Variants in ELK4 observed in about 807,000 individuals in gnomAD.
The protein encoded by ELK4 is ETS domain-containing protein Elk-4.
ELK4 carries 16 observed loss-of-function variants against 29.6 expected under a neutral mutation model. The observed-to-expected ratio is 0.54, with a 90% CI of 0.37 to 0.82. ELK4 has a LOEUF of 0.82. ELK4 is among the 40% of genes least tolerant of loss of function. The probability of loss-of-function intolerance (pLI) is 0.00; values close to 1 mark genes in which losing one functional copy is unlikely to be tolerated. For synonymous variants in ELK4, 213 were observed against 191.1 expected (o/e 1.11, Z -0.95); for missense variants, 465 against 507.1 (o/e 0.92, Z 0.80).
chr1:205,616,287 AGGAAG>A lies in ELK4; in HGVS notation c.*254_*258del, dbSNP rs1274034832. 1 of 356,544 alleles carries A rather than the reference AGGAAG, an allele frequency of 2.8e-6. No individual in the cohort carries two copies. Among genetic ancestry groups the A allele is most frequent in the Non-Finnish European group, 5.2e-6 (1 of 192,246 alleles). 22.1% of individuals were successfully genotyped at this position (356,544 alleles called of 1,614,324 possible). On this transcript the variant is annotated 3_prime_UTR_variant, in exon 5 of 5. Coordinates refer to ENST00000357992, the MANE Select transcript of ELK4 (RefSeq NM_001973.4). The stretch of plus-strand genomic sequence containing the variant: ...AAATATTTTTAAAGGAGAAAAGAAA[AGGAAG>A]GAAGGAAAGAAAAAGAAAAGGAAAA...
chr1:205,608,156 T>C lies in ELK4; in HGVS notation c.*8390A>G, dbSNP rs1324283344. 2.1e-5 allele frequency: 4 copies of C among 188,110 alleles called. No homozygotes were observed. The highest frequency in any genetic ancestry group is 4.5e-5 in the Non-Finnish European group (4 of 89,302). The allele number at this position is 188,110 out of a possible 1,614,324, so 11.7% of individuals were successfully genotyped here. On this transcript the variant is annotated 3_prime_UTR_variant, in exon 5 of 5. Transcript: ENST00000357992. ...ATGTATATCTTTCCTAAAAGATGCA[T>C]ATCACCATTATAGAATTTAACAAAA... is the stretch of plus-strand genomic sequence containing the variant.
Position 205,619,969 on chromosome 1 carries a change from T to C in ELK4, c.1077A>G (p.Ser359=). 6 of 1,614,156 alleles carry C rather than the reference T, an allele frequency of 3.7e-6. No homozygotes were observed. The highest frequency in any genetic ancestry group is 3.4e-6 in the Non-Finnish European group (4 of 1,180,034). ...PTASLTPAFF[S]QTPIILTPSP... ...CCATAAAGAGCGAGCAAGCTACCTG[T>C]GAAAAAAATGCTGGTGTAAGAGAAG... The change falls in exon 3 of 5, where the codon TCA becomes TCG. Residue 359 remains serine, a synonymous_variant. Transcript: ENST00000357992.
chr1:205,617,135 A>G (rs1165160417), intron 4 of ELK4, among the ~76,000 whole-genome samples: 1 of 152,218 alleles, frequency 6.6e-6, no homozygotes, highest in African/African-American at 2.4e-5. Context: ...CAGGAGCACT[A>G]TGACTTTGCT....
At chr1:205,629,219 A>G (rs1197803325) in intron 1 of ELK4, among the ~76,000 whole-genome samples, 1 of 151,650 alleles carries the variant, frequency 6.6e-6, no homozygotes, top group Non-Finnish European at 1.5e-5. Flanking sequence ...GAGGTTTTAG[A>G]CTGAAGTATT....
chr1:205,621,343 C>G (rs754363274), intron 2 of ELK4, among the ~76,000 whole-genome samples: 2 of 151,920 alleles, frequency 1.3e-5, no homozygotes, highest in African/African-American at 2.4e-5. Context: ...GAAGTTAAGG[C>G]AAGAACATTT....
At chr1:205,621,193 TA>T (rs61338827) in intron 2 of ELK4, among the ~76,000 whole-genome samples, 361 of 77,446 alleles carry the variant, frequency 4.7e-3, no homozygotes, top group African/African-American at 9.7e-3. Context: ...GAGTCTGTCT[TA>T]AAAAAAAAAA....
At chr1:205,629,164 A>G (rs1261372783) in intron 1 of ELK4, among the ~76,000 whole-genome samples, 3 of 118,770 alleles carry the variant, frequency 2.5e-5, no homozygotes, top group Admixed American at 1.0e-4. Flanking sequence ...GAGCAAGACT[A>G]CGTCTCAAAA....
At position 205,613,195 on chromosome 1, in the gene ELK4, G is replaced by A; in HGVS notation, c.*3351C>T. The A allele has an allele frequency of 5.0e-6, 1 of 198,786 alleles. No individual in the cohort carries two copies. The highest frequency in any genetic ancestry group is 1.0e-5 in the Non-Finnish European group (1 of 96,026). 12.3% of individuals were successfully genotyped at this position (198,786 alleles called of 1,614,324 possible). On this transcript the variant is annotated 3_prime_UTR_variant, in exon 5 of 5. Transcript: ENST00000357992. ...TAATAAAGAAGGATTACTAAGCCAG[G>A]TGTGGTGGTGCATGCCTGTAGCCCA...
intron 3 of ELK4, 100 bp from the exon 4 acceptor site, chr1:205,619,173 C>T (rs1192356019): frequency 1.7e-6 from 2 of 1,194,260 alleles, no homozygotes; most frequent in African/African-American, 1.6e-5. Context: ...TTGCCCTATC[C>T]TCCACTCCAA....
intron 2 of ELK4, among the ~76,000 whole-genome samples, chr1:205,622,818 T>C (rs1670375739): frequency 6.6e-6 from 1 of 152,162 alleles, no homozygotes; most frequent in South Asian, 2.1e-4. Context: ...GAATAAAATA[T>C]GTGTAATGGG....
In ELK4 at chr1:205,613,019, T is replaced by TC. The variant is rs1203972875; in HGVS notation, c.*3526_*3527insG. The stretch of plus-strand genomic sequence containing the variant: ...TGACCTTTCAAGGGCCTCTAATTCT[T>TC]TTTTTTTTTTCCTGACCGTACTCCT... On this transcript the variant is annotated 3_prime_UTR_variant, in exon 5 of 5. Transcript: ENST00000357992. The TC allele has an allele frequency of 4.2e-5, 8 of 188,292 alleles. No individual in the cohort carries two copies. Among genetic ancestry groups the TC allele is most frequent in the African/African-American group, 1.9e-4 (8 of 42,584 alleles). 11.7% of individuals were successfully genotyped at this position (188,292 alleles called of 1,614,324 possible).
Position 205,608,021 on chromosome 1 carries a change from T to C in ELK4, c.*8525A>G, listed in dbSNP as rs1293589021. On this transcript the variant is annotated 3_prime_UTR_variant, in exon 5 of 5. Transcript: ENST00000357992. ...TTGCACATATATCTATTAACATATA[T>C]GTATACTTTTAGACTTGTAGTAAAT... The C allele has an allele frequency of 1.1e-5, 2 of 179,560 alleles. No homozygotes were observed. Among genetic ancestry groups the C allele is most frequent in the Middle Eastern group, 2.1e-3 (1 of 468 alleles). The allele number at this position is 179,560 out of a possible 1,614,324, so 11.1% of individuals were successfully genotyped here. A position where few individuals can be genotyped will look rare whatever the true frequency, so the allele number is the denominator to read the frequency against.
At chr1:205,619,440 A>C (rs1670289510) in intron 3 of ELK4, 2 of 1,062,710 alleles carry the variant, frequency 1.9e-6, no homozygotes, top group African/African-American at 3.3e-5. Flanking sequence ...TCAGGTACAG[A>C]GGAATAATGG....
chr1:205,624,559 T>G (rs1182634642), intron 1 of ELK4, among the ~76,000 whole-genome samples: 1 of 152,248 alleles, frequency 6.6e-6, no homozygotes, highest in Non-Finnish European at 1.5e-5. Context: ...CTGCAAAGAT[T>G]CTCCTTTGAT....
At position 205,612,468 on chromosome 1, in the gene ELK4, G is replaced by A. The variant is rs1042086436; in HGVS notation, c.*4078C>T. 7.0e-5 allele frequency: 15 copies of A among 213,670 alleles called. No homozygotes were observed. Among genetic ancestry groups the A allele is most frequent in the Non-Finnish European group, 1.0e-4 (11 of 105,936 alleles). 13.2% of individuals were successfully genotyped at this position (213,670 alleles called of 1,614,324 possible). ...AACACACATATTACTTTGGTATAGCGGTATATAATTTAACATATACCCATA... is the reference window on the plus strand; with the variant it reads ...AACACACATATTACTTTGGTATAGCAGTATATAATTTAACATATACCCATA... On this transcript the variant is annotated 3_prime_UTR_variant, in exon 5 of 5. Transcript: ENST00000357992.
intron 1 of ELK4, among the ~76,000 whole-genome samples, chr1:205,631,135 C>CG (rs1670575431): frequency 6.6e-6 from 1 of 152,208 alleles, no homozygotes; most frequent in East Asian, 1.9e-4. Context: ...TAAAGAGGGG[C>CG]GGGGGGCCGC....
At chr1:205,625,481 G>A in intron 1 of ELK4, 1 of 691,038 alleles carries the variant, frequency 1.4e-6, no homozygotes, top group Middle Eastern at 2.8e-4. Context: ...GTTCCCAACA[G>A]GATGAAATTC....
Position 205,620,632 on chromosome 1 carries a change from G to A in ELK4, c.414C>T (p.Arg138=), listed in dbSNP as rs772964562. Residue 138 remains arginine, a synonymous_variant, in exon 3 of 5, where the codon CGC becomes CGT. Coordinates refer to ENST00000357992, the MANE Select transcript of ELK4 (RefSeq NM_001973.4). ...PPQPGAKTSS[R]NDYIHSGLYS... ...ATAAGCCAGAGTGTATGTAGTCATTGCGGCTAGAGGTCTTGGCACCAGGCT... is the reference window on the plus strand; with the variant it reads ...ATAAGCCAGAGTGTATGTAGTCATTACGGCTAGAGGTCTTGGCACCAGGCT... 2.5e-6 allele frequency: 4 copies of A among 1,614,118 alleles called. No homozygotes were observed. Among genetic ancestry groups the A allele is most frequent in the Non-Finnish European group, 3.4e-6 (4 of 1,180,004 alleles).
At chr1:205,623,989 T>C (rs898738197) in intron 1 of ELK4, 98 bp from the exon 2 acceptor site, 18 of 1,092,626 alleles carry the variant, frequency 1.6e-5, no homozygotes, top group Non-Finnish European at 2.4e-5. Context: ...AATGTATTAA[T>C]TCATCCCCAC....
Sources: gnomAD v4.1 joint callset for allele counts (sites outside exome capture counted in the v4.1 genomes callset) on GRCh38, gnomAD v4.1.1 for gene constraint, MANE v1.5 for transcripts, NCBI Gene and HGNC (gene_info 2026-07-23, HGNC 2026-07-21) for gene names.